The following ZBTB7A variants were observed in gnomAD, a reference collection of about 807,000 sequenced individuals.
ZBTB7A encodes zinc finger and BTB domain-containing protein 7A.
In ZBTB7A, 7 loss-of-function variants were observed where a neutral mutation model predicts 26.7. That is an observed-to-expected ratio of 0.26 (90% CI 0.15 to 0.49). ZBTB7A has a LOEUF of 0.49. Among genes scored for constraint, ZBTB7A ranks in the 20% least tolerant of loss-of-function variants. The pLI is 0.98. For synonymous variants in ZBTB7A, 452 were observed against 441.0 expected (o/e 1.02, Z -0.31); for missense variants, 617 against 919.5 (o/e 0.67, Z 4.25).
intron 2 of ZBTB7A, among the ~76,000 whole-genome samples, chr19:4,050,456 G>A (rs1342567127): frequency 1.3e-5 from 2 of 152,180 alleles, no homozygotes; most frequent in African/African-American, 2.4e-5. Context: ...TGACTTGAGG[G>A]CCCCTCCCTG....
At chr19:4,053,529 GTGCA>G (rs1458576106) in intron 2 of ZBTB7A, among the ~76,000 whole-genome samples, 1 of 130,476 alleles carries the variant, frequency 7.7e-6, no homozygotes, top group African/African-American at 2.6e-5. Context: ...GCGTGCGTGC[GTGCA>G]TGTGTATGTG....
In ZBTB7A at chr19:4,054,819, G is replaced by A. The variant is rs1387329198; in HGVS notation, c.414C>T (p.Ala138=). The A allele has an allele frequency of 1.9e-6, 3 of 1,598,012 alleles. No individual in the cohort carries two copies. The highest frequency in any genetic ancestry group is 4.5e-5 in the East Asian group (2 of 43,982). The change falls in exon 2 of 3, where the codon GCC becomes GCT. Residue 138 remains alanine (A), a synonymous_variant. Transcript: ENST00000322357. The stretch of plus-strand genomic sequence containing the variant: ...CTACAAGGTCCAGCTGCCCGGCGTC[G>A]GCGCCCGCGTCGGCCGCCAGGATCT... ...DRQILAADAG[A]DAGQLDLVDQ... is the part of the protein sequence containing the mutation.
intron 1 of ZBTB7A, among the ~76,000 whole-genome samples, chr19:4,059,547 C>T (rs903451019): frequency 4.6e-5 from 7 of 152,248 alleles, no homozygotes; most frequent in East Asian, 1.9e-4. Flanking sequence ...ATGAGAATGC[C>T]GGGGCCCAGA....
chr19:4,054,794 C>T lies in ZBTB7A; in HGVS notation c.439G>A (p.Asp147Asn). ...AGGAGGTTGCGCTGATCAATTTGAT[C>T]TACAAGGTCCAGCTGCCCGGCGTCG... ...GADAGQLDLVDQIDQRNLLRA... is the reference protein window; with the variant it reads ...GADAGQLDLVNQIDQRNLLRA... The change falls in exon 2 of 3, where the codon GAT becomes AAT. Residue 147 changes from aspartate to asparagine, a missense_variant. Transcript: ENST00000322357. 1.3e-6 allele frequency: 2 copies of T among 1,587,494 alleles called. No homozygotes were observed. Among genetic ancestry groups the T allele is most frequent in the East Asian group, 2.3e-5 (1 of 43,274 alleles).
At chr19:4,064,535 G>A (rs914734541) in intron 1 of ZBTB7A, among the ~76,000 whole-genome samples, 1 of 152,264 alleles carries the variant, frequency 6.6e-6, no homozygotes, top group African/African-American at 2.4e-5. Context: ...GCCTCCCCGG[G>A]ACCTCTCCCA....
At position 4,046,768 on chromosome 19, in the gene ZBTB7A, T is replaced by TTATATA. The variant is rs901359494; in HGVS notation, c.*978_*983dup. On this transcript the variant is annotated 3_prime_UTR_variant, in exon 3 of 3. Transcript: ENST00000322357. ...GCTCCTCTGAGGAAAAGTATATTAT[T>TTATATA]TATATATATATATATATCTATATAT... The TTATATA allele has an allele frequency of 2.0e-4, 29 of 145,428 alleles. 1 individual carries two copies. The South Asian group carries it at 4.3e-3, about 22-fold the overall frequency. 9.0% of individuals were successfully genotyped at this position (145,428 alleles called of 1,614,324 possible).
intron 1 of ZBTB7A, 118 bp from the exon 2 acceptor site, chr19:4,055,365 C>A (rs1475864172): frequency 5.7e-6 from 8 of 1,399,440 alleles, no homozygotes; most frequent in Non-Finnish European, 6.5e-6. Flanking sequence ...CCCAGCCTCA[C>A]ATTCCCACCT....
chr19:4,066,088 C>G (rs1396283076), intron 1 of ZBTB7A, among the ~76,000 whole-genome samples: 1 of 150,480 alleles, frequency 6.6e-6, no homozygotes, highest in Non-Finnish European at 1.5e-5. Context: ...CGGCTGCAAA[C>G]GGCGGAGGGA....
At chr19:4,053,389 G>C (rs1024168896) in intron 2 of ZBTB7A, among the ~76,000 whole-genome samples, 3 of 152,178 alleles carry the variant, frequency 2.0e-5, no homozygotes, top group Admixed American at 1.3e-4. Flanking sequence ...ATATATGTGT[G>C]TCTGTGGGTG....
Position 4,045,694 on chromosome 19 carries a change from T to G in ZBTB7A, c.*2058A>C. 2 of 384,842 alleles carry G rather than the reference T, an allele frequency of 5.2e-6. No homozygotes were observed. Among genetic ancestry groups the G allele is most frequent in the East Asian group, 3.7e-5 (1 of 26,730 alleles). The allele number at this position is 384,842 out of a possible 1,614,324, so 23.8% of individuals were successfully genotyped here. ...AAGTCTCAGTGCAGCAGAGCGTCTA[T>G]TTTCGGGGTCCCATGCTAGCATTGC... On this transcript the variant is annotated 3_prime_UTR_variant, in exon 3 of 3. Transcript: ENST00000322357. The surrounding 1 kb of genome is among the most constrained non-coding windows in gnomAD (Gnocchi z 4.1).
At position 4,052,613 on chromosome 19, in the gene ZBTB7A, C is replaced by G. The variant is rs989506961; in HGVS notation, c.1262+1358G>C. 1.3e-5 allele frequency among the ~76,000 whole-genome samples: 2 copies of G among 151,814 alleles called. No individual in the cohort carries two copies. The highest frequency in any genetic ancestry group is 4.8e-5 in the African/African-American group (2 of 41,304). ...CTCGGTGGGCGTGGCTGGGGGAACC[C>G]CAGGGCGGGCGGGGGGCAGGGGGTG... On this transcript the variant is annotated intron_variant, in intron 2 of 2. Transcript: ENST00000322357. The surrounding 1 kb of genome is among the most constrained non-coding windows in gnomAD (Gnocchi z 4.9).
intron 1 of ZBTB7A, chr19:4,065,733 G>A (rs2040688848): frequency 8.1e-6 from 1 of 123,672 alleles, no homozygotes; most frequent in South Asian, 2.2e-4. Context: ...AGCGCGGGGA[G>A]GGTGACCCCC....
chr19:4,055,699 T>C (rs1207875308), intron 1 of ZBTB7A, among the ~76,000 whole-genome samples: 1 of 152,124 alleles, frequency 6.6e-6, no homozygotes, highest in East Asian at 1.9e-4. Flanking sequence ...GGCGGGGGCC[T>C]GTAGTTCCAG....
Position 4,046,430 on chromosome 19 carries a change from C to A in ZBTB7A, c.*1322G>T. 1 of 85,078 alleles carries A rather than the reference C, an allele frequency of 1.2e-5. No individual in the cohort carries two copies. Among genetic ancestry groups the A allele is most frequent in the Non-Finnish European group, 2.1e-5 (1 of 46,950 alleles). 5.3% of individuals were successfully genotyped at this position (85,078 alleles called of 1,614,324 possible). A position where few individuals can be genotyped will look rare whatever the true frequency, so the allele number is the denominator to read the frequency against. On this transcript the variant is annotated 3_prime_UTR_variant, in exon 3 of 3. Transcript: ENST00000322357. The stretch of plus-strand genomic sequence containing the variant: ...TCTCTCTCTCGCTCTCTCTCTCGCT[C>A]GCTTTTTTTTTTTTTTTTTGTCTTT...
At chr19:4,064,873 G>A (rs2040675838) in intron 1 of ZBTB7A, among the ~76,000 whole-genome samples, 1 of 152,084 alleles carries the variant, frequency 6.6e-6, no homozygotes, top group Admixed American at 6.5e-5. Flanking sequence ...ACATTTAGTG[G>A]GCGCCGACTG....
At position 4,053,103 on chromosome 19, in the gene ZBTB7A, G is replaced by GA. The variant is rs150115416; in HGVS notation, c.1262+867dup. On this transcript the variant is annotated intron_variant, in intron 2 of 2. Coordinates refer to ENST00000322357, the MANE Select transcript of ZBTB7A (RefSeq NM_015898.4). ...GTCACCCTCTCCCAAAGCAGAAAAA[G>GA]AAAAAAATCCAAAAGTGCAGAAGAG... Among the ~76,000 whole-genome samples, 650 of 152,178 alleles carry GA rather than the reference G, an allele frequency of 4.3e-3. 6 individuals carry two copies. The highest frequency in any genetic ancestry group is 0.014 in the African/African-American group (598 of 41,540).
rs1599252322 is a variant in ZBTB7A, at chr19:4,052,029, G to C, written c.1262+1942C>G. 1.3e-5 allele frequency among the ~76,000 whole-genome samples: 2 copies of C among 151,288 alleles called. No homozygotes were observed. The highest frequency in any genetic ancestry group is 4.9e-5 in the African/African-American group (2 of 41,226). On this transcript the variant is annotated intron_variant, in intron 2 of 2. Coordinates refer to ENST00000322357, the MANE Select transcript of ZBTB7A (RefSeq NM_015898.4). The surrounding 1 kb of genome is among the most constrained non-coding windows in gnomAD (Gnocchi z 4.9). ...AGGTGCTGGTGTCCTGGGGAGGGGG[G>C]ACCAGAGCACGGGGTGGGGGAAAAG...
intron 1 of ZBTB7A, among the ~76,000 whole-genome samples, chr19:4,064,061 C>T (rs1322733865): frequency 6.6e-6 from 1 of 152,240 alleles, no homozygotes; most frequent in African/African-American, 2.4e-5. Flanking sequence ...GGAACCTTTC[C>T]GACCAGGCCC....
At chr19:4,049,168 GTATATATATATATATATATATATATATA>G (rs1181215162) in intron 2 of ZBTB7A, among the ~76,000 whole-genome samples, 1 of 14,954 alleles carries the variant, frequency 6.7e-5, no homozygotes, top group South Asian at 3.1e-3. Flanking sequence ...GTGTGTGTGT[GTATATATATATATATATATATATATATA>G]TATATATATA....
Sources: gnomAD v4.1 joint callset for allele counts (sites outside exome capture counted in the v4.1 genomes callset) on GRCh38, gnomAD v4.1.1 for gene constraint, Gnocchi (gnomAD v3.1) non-coding constraint, MANE v1.5 for transcripts, NCBI Gene and HGNC (gene_info 2026-07-23, HGNC 2026-07-21) for gene names.